The following ARID1B variants were observed in gnomAD, a reference collection of about 807,000 sequenced individuals.
ARID1B encodes AT-rich interactive domain-containing protein 1B.
ARID1B carries 30 observed loss-of-function variants against 212.3 expected under a neutral mutation model. The observed-to-expected ratio is 0.14, with a 90% CI of 0.11 to 0.19. ARID1B has a LOEUF of 0.19. Among genes scored for constraint, ARID1B ranks in the 10% least tolerant of loss-of-function variants. ARID1B has a pLI of 1.00. For synonymous variants in ARID1B, 1,402 were observed against 1,301.7 expected, an observed-to-expected ratio of 1.08 and a Z score of -1.66; for missense variants, 2,891 against 3,204.0, an observed-to-expected ratio of 0.90 and a Z score of 2.36.
In ARID1B at chr6:157,187,763, G is replaced by GA. The variant is rs987947976; in HGVS notation, c.3920-1869dup. Reference sequence around the variant, plus strand: ...TTTTTTTTTTTCCATGAAAGGAAAGGAAAAAAAAAACACTGGCAAGGGAGA... The same window carrying GA: ...TTTTTTTTTTTCCATGAAAGGAAAGGAAAAAAAAAAACACTGGCAAGGGAGA... On this transcript the variant is annotated intron_variant, in intron 13 of 19. Coordinates refer to ENST00000636930, the MANE Select transcript of ARID1B (RefSeq NM_001374828.1). Among the ~76,000 whole-genome samples the GA allele has an allele frequency of 1.9e-4, 27 of 143,578 alleles. 1 individual carries two copies. The highest frequency in any genetic ancestry group is 1.8e-3 in the East Asian group (9 of 5,000). 94.2% of individuals were successfully genotyped at this position (143,578 alleles called of 152,430 possible). A position where few individuals can be genotyped will look rare whatever the true frequency, so the allele number is the denominator to read the frequency against.
At chr6:157,130,355 A>C (rs1788464138) in intron 6 of ARID1B, among the ~76,000 whole-genome samples, 1 of 152,208 alleles carries the variant, frequency 6.6e-6, no homozygotes, top group Non-Finnish European at 1.5e-5. Context: ...TATGAAATTG[A>C]AACACATTTT....
At chr6:156,928,359 C>T (rs755015768) in intron 3 of ARID1B, among the ~76,000 whole-genome samples, 16 of 152,146 alleles carry the variant, frequency 1.1e-4, no homozygotes, top group Admixed American at 5.2e-4. Context: ...ATGTGTCAGA[C>T]GTGCACAGAT....
chr6:156,957,857 G>A (rs1460006412), intron 4 of ARID1B, among the ~76,000 whole-genome samples: 1 of 152,146 alleles, frequency 6.6e-6, no homozygotes, highest in Non-Finnish European at 1.5e-5. Context: ...ATACCCATGT[G>A]TTGAGTCCAT....
intron 2 of ARID1B, among the ~76,000 whole-genome samples, chr6:156,881,369 A>G (rs1787075163): frequency 6.6e-6 from 1 of 152,190 alleles, no homozygotes; most frequent in African/African-American, 2.4e-5. Context: ...AAATTGCATA[A>G]TTTCTACTAG....
At chr6:157,090,518 G>A (rs534527567) in intron 5 of ARID1B, among the ~76,000 whole-genome samples, 16 of 152,222 alleles carry the variant, frequency 1.1e-4, no homozygotes, top group Non-Finnish European at 2.2e-4. Flanking sequence ...AGGTCTTCAC[G>A]CTAGCACATA....
intron 1 of ARID1B, among the ~76,000 whole-genome samples, chr6:156,823,122 C>G (rs1190344554): frequency 6.6e-6 from 1 of 152,130 alleles, no homozygotes. Flanking sequence ...GGCACGTTAC[C>G]TGACATGTCT....
chr6:156,776,335 GTA>G (rs2114940582), upstream of ARID1B: 1 of 152,194 alleles, frequency 6.6e-6, no homozygotes, highest in African/African-American at 2.4e-5. Flanking sequence ...AGAGAACAAA[GTA>G]TGGAACATTT....
chr6:156,843,656 A>G (rs749594190), intron 2 of ARID1B, among the ~76,000 whole-genome samples: 2 of 152,222 alleles, frequency 1.3e-5, no homozygotes, highest in Non-Finnish European at 2.9e-5. Context: ...ATATGTATTT[A>G]CTAAATTTTA....
intron 16 of ARID1B, among the ~76,000 whole-genome samples, chr6:157,196,572 G>A (rs984371222): frequency 7.9e-5 from 12 of 152,254 alleles, no homozygotes; most frequent in South Asian, 2.1e-4. Flanking sequence ...AGCCAGGGCC[G>A]CCACAAGTCA....
Position 156,779,296 on chromosome 6 carries a change from A to AGGCGGC in ARID1B, c.1625_1630dup (p.Ala542_Ala543dup), listed in dbSNP as rs757953295. Reference sequence around the variant, plus strand: ...CCGCCGCCGTCGCAGCCCCAGTCCCAGGCGGCGGCGGCGGGGGCGGCGGCG... The same window carrying AGGCGGC: ...CCGCCGCCGTCGCAGCCCCAGTCCCAGGCGGCGGCGGCGGCGGCGGGGGCGGCGGCG... On this transcript the variant is annotated inframe_insertion, in exon 1 of 20. Transcript: ENST00000636930. 1.2e-5 allele frequency: 13 copies of AGGCGGC among 1,096,048 alleles called. No individual in the cohort carries two copies. The highest frequency in any genetic ancestry group is 4.4e-5 in the South Asian group (1 of 22,866). 67.9% of individuals were successfully genotyped at this position (1,096,048 alleles called of 1,614,324 possible).
intron 1 of ARID1B, among the ~76,000 whole-genome samples, chr6:156,800,735 C>T (rs1010507674): frequency 6.6e-6 from 1 of 151,840 alleles, no homozygotes; most frequent in Admixed American, 6.6e-5. Flanking sequence ...AGTAAGACCC[C>T]GTCTCTACAA....
intron 2 of ARID1B, among the ~76,000 whole-genome samples, chr6:156,836,498 G>A (rs958370960): frequency 6.6e-6 from 1 of 152,156 alleles, no homozygotes; most frequent in Admixed American, 6.5e-5. Context: ...CAGGAGCTGG[G>A]ATGGTTGAGT....
chr6:156,926,189 A>T (rs997857681), intron 3 of ARID1B, among the ~76,000 whole-genome samples: 1 of 152,218 alleles, frequency 6.6e-6, no homozygotes, highest in East Asian at 1.9e-4. Flanking sequence ...GCTGAGATCA[A>T]AAGATTGAAC....
chr6:156,976,979 T>A, intron 4 of ARID1B: 1 of 530,476 alleles, frequency 1.9e-6, no homozygotes, highest in African/African-American at 1.9e-5. Context: ...GCCAGTTTGG[T>A]TTCATTGCAC....
chr6:156,954,729 CCTT>C (rs1309115665), intron 4 of ARID1B, among the ~76,000 whole-genome samples: 12 of 152,162 alleles, frequency 7.9e-5, no homozygotes, highest in African/African-American at 2.4e-4. Flanking sequence ...AAATCTAAAT[CCTT>C]CTTCTATATG....
At chr6:157,032,741 G>A (rs1322873848) in intron 4 of ARID1B, among the ~76,000 whole-genome samples, 1 of 152,038 alleles carries the variant, frequency 6.6e-6, no homozygotes, top group Non-Finnish European at 1.5e-5. Context: ...ACATGTAGTT[G>A]GTGGGAAAAG....
At chr6:156,953,665 A>G (rs1466648) in intron 4 of ARID1B, among the ~76,000 whole-genome samples, 64,093 of 152,022 alleles carry the variant, frequency 0.42, 16,052 homozygotes, top group African/African-American at 0.71. Flanking sequence ...TTTATAATTT[A>G]TCATCAGCTG....
Position 157,174,105 on chromosome 6 carries a change from G to A in ARID1B, c.3333G>A (p.Glu1111=), listed in dbSNP as rs908942802. The change falls in exon 10 of 20, where the codon GAG becomes GAA. Residue 1111 remains glutamate (E), a synonymous_variant. Transcript: ENST00000636930. ...AAGAAGAAGGCACTCCACAGCCCGA[G>A]AGCAAGTCAAAGGTACTTCCTTCGC... ...DGKEEGTPQP[E]SKSKDSYSSQ... 1.2e-6 allele frequency: 2 copies of A among 1,614,148 alleles called. No homozygotes were observed. Among genetic ancestry groups the A allele is most frequent in the Admixed American group, 1.7e-5 (1 of 60,030 alleles).
At chr6:156,965,877 T>C (rs1275631625) in intron 4 of ARID1B, among the ~76,000 whole-genome samples, 1 of 152,236 alleles carries the variant, frequency 6.6e-6, no homozygotes, top group South Asian at 2.1e-4. Context: ...CAGATTAGAC[T>C]TCTGAAATTT....
Sources: allele counts gnomAD v4.1 joint callset (sites outside exome capture counted in the v4.1 genomes callset), GRCh38; gene constraint gnomAD v4.1.1; transcripts MANE v1.5; gene names NCBI Gene and HGNC (gene_info 2026-07-23, HGNC 2026-07-21).